The following AGTPBP1 variants were observed in gnomAD, a reference collection of about 807,000 sequenced individuals.
The protein encoded by AGTPBP1 is cytosolic carboxypeptidase 1.
Under a neutral mutation model 143.9 loss-of-function variants are expected in AGTPBP1, and 70 were observed. The observed-to-expected ratio is 0.49, with a 90% CI of 0.40 to 0.59. The LOEUF (loss-of-function observed/expected upper bound fraction) is 0.59, where lower values mean the gene tolerates loss of function less well. Among genes scored for constraint, AGTPBP1 ranks in the 20% least tolerant of loss-of-function variants. The probability of loss-of-function intolerance (pLI) is 0.00; values close to 1 mark genes in which losing one functional copy is unlikely to be tolerated. For synonymous variants in AGTPBP1, 463 were observed against 500.2 expected (o/e 0.93, Z 0.99); for missense variants, 1,229 against 1,464.5 (o/e 0.84, Z 2.62).
chr9:85,675,461 G>C lies in AGTPBP1; in HGVS notation c.436+1975C>G, dbSNP rs571002779. Among the ~76,000 whole-genome samples, 48 of 152,118 alleles carry C rather than the reference G, an allele frequency of 3.2e-4. No individual in the cohort carries two copies. The South Asian group carries it at 9.6e-3, about 30-fold the overall frequency. On this transcript the variant is annotated intron_variant, in intron 6 of 25. Coordinates refer to ENST00000357081, the MANE Select transcript of AGTPBP1 (RefSeq NM_001330701.2). ...TTAACTAAGATTGTAAGTTTCCTGA[G>C]CATTCACACTATGCAGCACAAATAT...
At chr9:85,653,439 C>T (rs1564108599) in intron 11 of AGTPBP1, among the ~76,000 whole-genome samples, 1 of 152,114 alleles carries the variant, frequency 6.6e-6, no homozygotes, top group Non-Finnish European at 1.5e-5. Context: ...TTGTTTGTTC[C>T]CGTGTTTGGT....
chr9:85,741,934 G>A lies in AGTPBP1; in HGVS notation c.-193C>T. 5 of 1,310,046 alleles carry A rather than the reference G, an allele frequency of 3.8e-6. No homozygotes were observed. In the South Asian group the frequency reaches 1.1e-4, roughly 28 times the overall value. The allele number at this position is 1,310,046 out of a possible 1,614,324, so 81.2% of individuals were successfully genotyped here. A position where few individuals can be genotyped will look rare whatever the true frequency, so the allele number is the denominator to read the frequency against. On this transcript the variant is annotated 5_prime_UTR_variant, in exon 1 of 26. Transcript: ENST00000357081. ...GGCGGCGGCGGCAGCTGCGGCGGCGGCGCTGGAGGCGGCGGAACCTGTCCG... is the reference window on the plus strand; with the variant it reads ...GGCGGCGGCGGCAGCTGCGGCGGCGACGCTGGAGGCGGCGGAACCTGTCCG...
chr9:85,773,757 C>T, the AGTPBP1 span: 1 of 747,170 alleles, frequency 1.3e-6, no homozygotes, highest in African/African-American at 1.8e-5. Flanking sequence ...GGAAGTTCAT[C>T]TTGAAGTAGC....
intron 12 of AGTPBP1, among the ~76,000 whole-genome samples, chr9:85,643,964 T>C (rs1205168655): frequency 6.6e-6 from 1 of 152,166 alleles, no homozygotes; most frequent in African/African-American, 2.4e-5. Flanking sequence ...AAGCTACTTA[T>C]TTTTCAGCCT....
At chr9:85,589,427 C>T (rs1369462340) in intron 20 of AGTPBP1, 101 bp downstream of exon 20, 24 of 1,431,076 alleles carry the variant, frequency 1.7e-5, no homozygotes, top group Non-Finnish European at 2.2e-5. Flanking sequence ...CCCAAGTCTT[C>T]TGATGTCTGT....
the AGTPBP1 span, among the ~76,000 whole-genome samples, chr9:85,763,364 G>A: frequency 5.9e-5 from 9 of 152,056 alleles, no homozygotes; most frequent in East Asian, 1.3e-3. Context: ...TGTGGAGCAG[G>A]AGGATGGATG....
chr9:85,723,102 G>C (rs1327365431), intron 1 of AGTPBP1, among the ~76,000 whole-genome samples: 2 of 152,210 alleles, frequency 1.3e-5, no homozygotes, highest in Non-Finnish European at 2.9e-5. Context: ...CCTACAAGGA[G>C]GTGTCTCCCA....
chr9:85,725,918 A>G (rs1281419886), intron 1 of AGTPBP1, among the ~76,000 whole-genome samples: 1 of 151,836 alleles, frequency 6.6e-6, no homozygotes, highest in Non-Finnish European at 1.5e-5. Flanking sequence ...GCGTGGTGGC[A>G]CACGCCTGTA....
chr9:85,708,779 G>A (rs192193272), intron 2 of AGTPBP1, among the ~76,000 whole-genome samples: 2 of 152,184 alleles, frequency 1.3e-5, no homozygotes, highest in African/African-American at 4.8e-5. Flanking sequence ...CAGGTGATCT[G>A]CCAGCCTCGG....
chr9:85,736,527 C>T (rs1034451147), intron 1 of AGTPBP1, among the ~76,000 whole-genome samples: 1 of 152,098 alleles, frequency 6.6e-6, no homozygotes, highest in Admixed American at 6.6e-5. Flanking sequence ...TACTATCTAG[C>T]TATAATACTT....
chr9:85,714,781 G>A (rs1408727770), intron 1 of AGTPBP1, among the ~76,000 whole-genome samples: 3 of 152,056 alleles, frequency 2.0e-5, no homozygotes, highest in Non-Finnish European at 1.5e-5. Flanking sequence ...GTGATATGCT[G>A]CAAGATAACA....
At chr9:85,602,629 C>T (rs965702112) in intron 17 of AGTPBP1, among the ~76,000 whole-genome samples, 16 of 152,206 alleles carry the variant, frequency 1.1e-4, no homozygotes, top group African/African-American at 3.4e-4. Flanking sequence ...CAAATAGAAG[C>T]CTCCAGTGAT....
intron 2 of AGTPBP1, among the ~76,000 whole-genome samples, chr9:85,711,871 T>C (rs1156285262): frequency 6.6e-5 from 10 of 152,358 alleles, no homozygotes; most frequent in South Asian, 2.1e-4. Context: ...TGAATTAGCA[T>C]GGCTGTGTTC....
chr9:85,741,379 C>T (rs1221584630), intron 1 of AGTPBP1: 2 of 985,268 alleles, frequency 2.0e-6, no homozygotes, highest in Non-Finnish European at 2.4e-6. Context: ...GGCGCGCCCG[C>T]CCCCGGCCCT....
At chr9:85,776,036 C>A in the AGTPBP1 span, among the ~76,000 whole-genome samples, 1 of 152,176 alleles carries the variant, frequency 6.6e-6, no homozygotes, top group South Asian at 2.1e-4. Context: ...TGAGATCATA[C>A]ATAATCTTCA....
chr9:85,555,949 G>A (rs11141019), intron 25 of AGTPBP1, among the ~76,000 whole-genome samples: 166 of 152,110 alleles, frequency 1.1e-3, no homozygotes, highest in African/African-American at 3.8e-3. Flanking sequence ...AAAATATATG[G>A]AGTTCAGTTC....
intron 2 of AGTPBP1, among the ~76,000 whole-genome samples, chr9:85,701,333 G>T (rs1040936871): frequency 2.0e-5 from 3 of 151,414 alleles, no homozygotes; most frequent in African/African-American, 4.9e-5. Flanking sequence ...TGGTTCAAGC[G>T]ATTCTCCTGC....
chr9:85,626,707 G>C (rs60305437), intron 14 of AGTPBP1, among the ~76,000 whole-genome samples: 1 of 152,136 alleles, frequency 6.6e-6, no homozygotes, highest in African/African-American at 2.4e-5. Context: ...AGCCAGATAG[G>C]CTTTGCAGGC....
intron 1 of AGTPBP1, among the ~76,000 whole-genome samples, chr9:85,712,946 C>G (rs966763042): frequency 3.4e-4 from 51 of 152,160 alleles, no homozygotes; most frequent in African/African-American, 1.2e-3. Flanking sequence ...TTACTGTACA[C>G]CATTCACACA....
Sources: allele counts gnomAD v4.1 joint callset (sites outside exome capture counted in the v4.1 genomes callset), GRCh38; gene constraint gnomAD v4.1.1; transcripts MANE v1.5; gene names NCBI Gene and HGNC (gene_info 2026-07-23, HGNC 2026-07-21).